VWF: variants seen among roughly 807,000 people sequenced by gnomAD.
The protein encoded by VWF is von Willebrand factor.
Under a neutral mutation model 308.6 loss-of-function variants are expected in VWF, and 176 were observed. That is an observed-to-expected ratio of 0.57 (90% CI 0.50 to 0.65). The LOEUF (loss-of-function observed/expected upper bound fraction) is 0.65, where lower values mean the gene tolerates loss of function less well. Among genes scored for constraint, VWF ranks in the 30% least tolerant of loss-of-function variants. The pLI is 0.00. For missense variants in VWF, 3,146 were observed against 3,648.2 expected (o/e 0.86, Z 3.55); for synonymous variants, 1,385 against 1,443.4 (o/e 0.96, Z 0.92).
In VWF at chr12:5,985,553, G is replaced by C; in HGVS notation, c.6901+10C>G. 1.2e-6 allele frequency: 2 copies of C among 1,613,394 alleles called. No individual in the cohort carries two copies. The highest frequency in any genetic ancestry group is 1.7e-6 in the Non-Finnish European group (2 of 1,179,844). ...CTCCATGAAGGCACCAGGGAGGGGA[G>C]GACTCTCACCTTTGGCCGTGGGGCA... On this transcript the variant is annotated intron_variant, in intron 39 of 51. Transcript: ENST00000261405.
At position 6,091,228 on chromosome 12, in the gene VWF, A is replaced by C. The variant is rs573268770; in HGVS notation, c.657+4232T>G. Among the ~76,000 whole-genome samples, 266 of 151,848 alleles carry C rather than the reference A, an allele frequency of 1.8e-3. 1 individual carries two copies. The highest frequency in any genetic ancestry group is 3.2e-3 in the Non-Finnish European group (220 of 67,954). On this transcript the variant is annotated intron_variant, in intron 6 of 51. Coordinates refer to ENST00000261405, the MANE Select transcript of VWF (RefSeq NM_000552.5). ...GAGGTCAAATTGTTCCATGAAGATG[A>C]AGACTCACTGAATTAATAACCAGCT...
Position 6,016,183 on chromosome 12 carries a change from A to T in VWF, c.5361T>A (p.Gly1787=). The change falls in exon 31 of 52, where the codon GGT becomes GGA. Residue 1787 remains glycine (G), a synonymous_variant. Coordinates refer to ENST00000261405, the MANE Select transcript of VWF (RefSeq NM_000552.5). The stretch of plus-strand genomic sequence containing the variant: ...CCGCCTTTGAGGCTCCCGGCCTGGC[A>T]CCATGCATTTCTGAAGTCAAGTATC... The part of the protein sequence containing the change: ...AVRYLTSEMH[G]ARPGASKAVV... The T allele has an allele frequency of 6.2e-7, 1 of 1,614,204 alleles. No homozygotes were observed.
At chr12:5,985,176 A>G (rs1943664738) in intron 39 of VWF, 57 bp from the exon 40 acceptor site, 1 of 1,557,904 alleles carries the variant, frequency 6.4e-7, no homozygotes, top group Non-Finnish European at 8.9e-7. Flanking sequence ...ACAGCCTCAG[A>G]GGGATTTGAA....
At chr12:5,971,253 C>A (rs1943469710) in intron 44 of VWF, among the ~76,000 whole-genome samples, 1 of 152,182 alleles carries the variant, frequency 6.6e-6, no homozygotes, top group Non-Finnish European at 1.5e-5. Context: ...TGATGTGGTC[C>A]AGAACAGTAC....
At chr12:6,096,473 T>C (rs1405137626) in intron 5 of VWF, among the ~76,000 whole-genome samples, 1 of 152,174 alleles carries the variant, frequency 6.6e-6, no homozygotes, top group Non-Finnish European at 1.5e-5. Context: ...CACCTTTGGT[T>C]TGTATTCTTT....
intron 16 of VWF, among the ~76,000 whole-genome samples, chr12:6,050,878 C>A (rs1442472236): frequency 6.6e-6 from 1 of 151,882 alleles, no homozygotes; most frequent in Non-Finnish European, 1.5e-5. Flanking sequence ...TCGCTTGAAC[C>A]CCAGAGGTGG....
At chr12:5,966,158 A>ACTGCCCT (rs1943400812) in intron 47 of VWF, among the ~76,000 whole-genome samples, 1 of 151,984 alleles carries the variant, frequency 6.6e-6, no homozygotes, top group African/African-American at 2.4e-5. Flanking sequence ...CTGTCTCCTG[A>ACTGCCCT]CTGCCCTGAT....
At chr12:6,081,989 C>T (rs777304333) in intron 6 of VWF, among the ~76,000 whole-genome samples, 10 of 149,660 alleles carry the variant, frequency 6.7e-5, no homozygotes, top group African/African-American at 1.7e-4. Context: ...TTTTTTGAAA[C>T]GCAGTCTCGC....
At position 5,953,623 on chromosome 12, in the gene VWF, T is replaced by C. The variant is rs367716613; in HGVS notation, c.7888-29A>G. ...CATCCAGAGGGGGAAAAAGCAGCCA[T>C]AGTTAACCTCCTTAAAACATCCCAA... On this transcript the variant is annotated intron_variant, in intron 47 of 51. Coordinates refer to ENST00000261405, the MANE Select transcript of VWF (RefSeq NM_000552.5). The C allele has an allele frequency of 6.4e-5, 101 of 1,581,546 alleles. 1 individual carries two copies. The highest frequency in any genetic ancestry group is 1.7e-5 in the Admixed American group (1 of 59,952).
At chr12:5,960,944 A>G (rs1943306964) in intron 47 of VWF, among the ~76,000 whole-genome samples, 1 of 152,202 alleles carries the variant, frequency 6.6e-6, no homozygotes, top group Non-Finnish European at 1.5e-5. Flanking sequence ...CTTCATCTGT[A>G]TCTACAGCCA....
intron 5 of VWF, among the ~76,000 whole-genome samples, chr12:6,097,978 G>A (rs1158034786): frequency 6.6e-6 from 1 of 152,228 alleles, no homozygotes; most frequent in Non-Finnish European, 1.5e-5. Context: ...AATTCCTTAT[G>A]TGCAAATAAG....
At chr12:6,033,749 A>G (rs2136429617) in intron 20 of VWF, among the ~76,000 whole-genome samples, 1 of 151,152 alleles carries the variant, frequency 6.6e-6, no homozygotes, top group South Asian at 2.1e-4. Flanking sequence ...CATGCTCTAC[A>G]CGAGTGGTCG....
chr12:6,107,784 G>A (rs754617954), intron 5 of VWF, among the ~76,000 whole-genome samples: 13 of 151,936 alleles, frequency 8.6e-5, no homozygotes, highest in Non-Finnish European at 1.9e-4. Flanking sequence ...TCAGCTTCCC[G>A]AGTAGCTGGG....
At position 6,065,186 on chromosome 12, in the gene VWF, G is replaced by A. The variant is rs549641611; in HGVS notation, c.1244C>T (p.Ala415Val). 1.2e-6 allele frequency: 2 copies of A among 1,614,202 alleles called. No homozygotes were observed. Among genetic ancestry groups the A allele is most frequent in the Non-Finnish European group, 1.7e-6 (2 of 1,180,038 alleles). The change falls in exon 11 of 52, where the codon GCC becomes GTC. Residue 415 changes from alanine to valine, a missense_variant. By Grantham distance (64) the Ala-to-Val change is moderately conservative. Transcript: ENST00000261405. ...GAAGGAGTGGTCCTGGCAATCCCGGGCCAGCAGGTACTGGCAGATCCCACT... is the reference window on the plus strand; with the variant it reads ...GAAGGAGTGGTCCTGGCAATCCCGGACCAGCAGGTACTGGCAGATCCCACT... ...TFSGICQYLL[A>V]RDCQDHSFSI...
chr12:6,106,351 C>T (rs1361029776), intron 5 of VWF, among the ~76,000 whole-genome samples: 1 of 152,130 alleles, frequency 6.6e-6, no homozygotes, highest in African/African-American at 2.4e-5. Flanking sequence ...AAGACAAATG[C>T]TGTATGATTC....
At chr12:5,993,298 C>T (rs1446154017) in intron 37 of VWF, among the ~76,000 whole-genome samples, 1 of 152,144 alleles carries the variant, frequency 6.6e-6, no homozygotes, top group Non-Finnish European at 1.5e-5. Flanking sequence ...TAAATAAATG[C>T]CAAGTCCAGG....
At chr12:6,015,084 G>A (rs903204546) in intron 31 of VWF, among the ~76,000 whole-genome samples, 21 of 152,266 alleles carry the variant, frequency 1.4e-4, no homozygotes, top group South Asian at 4.1e-4. Flanking sequence ...TTGTAAGTTC[G>A]TTATATTATC....
rs903982019 is a variant in VWF at position 6,107,176 on chromosome 12, T to C, written c.532+3198A>G. 8.6e-5 allele frequency among the ~76,000 whole-genome samples: 13 copies of C among 152,034 alleles called. No homozygotes were observed. The East Asian group carries it at 1.9e-3, about 23-fold the overall frequency. On this transcript the variant is annotated intron_variant, in intron 5 of 51. Transcript: ENST00000261405. Reference sequence around the variant, plus strand: ...GACTTACAAGACTAAATACTGCAAATAGGGTATGATTACAGTCATATGAAT... The same window carrying C: ...GACTTACAAGACTAAATACTGCAAACAGGGTATGATTACAGTCATATGAAT...
chr12:6,062,442 T>C (rs1443044963), intron 13 of VWF, among the ~76,000 whole-genome samples: 5 of 126,328 alleles, frequency 4.0e-5, no homozygotes. Context: ...CAGTGAAAAG[T>C]ATGGATTGCT....
Sources: gnomAD v4.1 joint callset for allele counts (sites outside exome capture counted in the v4.1 genomes callset) on GRCh38, gnomAD v4.1.1 for gene constraint, MANE v1.5 for transcripts, NCBI Gene and HGNC (gene_info 2026-07-23, HGNC 2026-07-21) for gene names.